PRR14L: variants seen among roughly 807,000 people sequenced by gnomAD.
PRR14L encodes the protein protein PRR14L.
In PRR14L, 80 loss-of-function variants were observed where a neutral mutation model predicts 155.0. The observed-to-expected ratio is 0.52, with a 90% CI of 0.43 to 0.62. PRR14L has a LOEUF of 0.62. Ranked by LOEUF, PRR14L falls within the 20% of genes least tolerant of loss-of-function variation. The pLI, the probability that PRR14L is intolerant of heterozygous loss-of-function variation, is 0.00. For synonymous variants in PRR14L, 883 were observed against 916.0 expected (o/e 0.96, Z 0.65); for missense variants, 2,469 against 2,548.0 (o/e 0.97, Z 0.67).
rs2074454710 is a variant in PRR14L at position 31,681,703 on chromosome 22, T to G, written c.*3824A>C. ...CGGGGACCCCCTTTCATCATCAAAA[T>G]AGCTTTTGCTGCTTGATTTGTGGCT... On this transcript the variant is annotated 3_prime_UTR_variant, in exon 9 of 9. Coordinates refer to ENST00000327423, the MANE Select transcript of PRR14L (RefSeq NM_173566.3). 6.6e-6 allele frequency: 1 copy of G among 152,168 alleles called. No homozygotes were observed. The highest frequency in any genetic ancestry group is 1.5e-5 in the Non-Finnish European group (1 of 68,038). 9.4% of individuals were successfully genotyped at this position (152,168 alleles called of 1,614,324 possible).
rs1029408850 is a variant in PRR14L at position 31,737,696 on chromosome 22, A to G, written c.474+691T>C. Among the ~76,000 whole-genome samples, 3 of 151,954 alleles carry G rather than the reference A, an allele frequency of 2.0e-5. No homozygotes were observed. In the East Asian group the frequency reaches 5.8e-4, roughly 29 times the overall value. On this transcript the variant is annotated intron_variant, in intron 2 of 8. Coordinates refer to ENST00000327423, the MANE Select transcript of PRR14L (RefSeq NM_173566.3). ...CATAGCTCACTATTAGTCTCAACTA[A>G]CCAACCTCTCTGGGTATAATTTCAA...
At chr22:31,718,219 C>T (rs1233710419) in intron 3 of PRR14L, among the ~76,000 whole-genome samples, 2 of 151,536 alleles carry the variant, frequency 1.3e-5, no homozygotes, top group Non-Finnish European at 2.9e-5. Flanking sequence ...TAAGCCACCA[C>T]GCCCGGCCCG....
At chr22:31,739,437 T>C (rs2074800670) in intron 1 of PRR14L, among the ~76,000 whole-genome samples, 1 of 152,218 alleles carries the variant, frequency 6.6e-6, no homozygotes, top group Non-Finnish European at 1.5e-5. Flanking sequence ...TTCCATTCCT[T>C]TACTGCTTAC....
intron 5 of PRR14L, 30 bp from the exon 6 acceptor site, chr22:31,703,751 G>T: frequency 7.2e-7 from 1 of 1,397,456 alleles, no homozygotes; most frequent in Non-Finnish European, 9.5e-7. Flanking sequence ...GAAGATATGA[G>T]AGGGGTTCCC....
At position 31,715,261 on chromosome 22, in the gene PRR14L, C is replaced by T; in HGVS notation, c.2578G>A (p.Gly860Arg). ...SYTSQERELDGKETNGSLPGD... is the reference protein window; with the variant it reads ...SYTSQERELDRKETNGSLPGD... ...GGAAGGCTGCCATTCGTTTCTTTCC[C>T]ATCAAGTTCCCTTTCCTGTGATGTG... Residue 860 changes from glycine (G) to arginine (R), a missense_variant, in exon 4 of 9, where the codon GGG (glycine) becomes AGG (arginine). Coordinates refer to ENST00000327423, the MANE Select transcript of PRR14L (RefSeq NM_173566.3). 6.4e-7 allele frequency: 1 copy of T among 1,552,278 alleles called. No individual in the cohort carries two copies.
At position 31,725,601 on chromosome 22, in the gene PRR14L, G is replaced by A. The variant is rs1601510680; in HGVS notation, c.484C>T (p.Leu162=). The A allele has an allele frequency of 6.5e-7, 1 of 1,549,540 alleles. No homozygotes were observed. The highest frequency in any genetic ancestry group is 8.7e-7 in the Non-Finnish European group (1 of 1,145,048). Residue 162 remains leucine (L), a synonymous_variant, in exon 3 of 9, where the codon CTG becomes TTG. Transcript: ENST00000327423. ...GAAAGTTCTTTGCTGGACTGCATCA[G>A]GAGATCCTCCTACAGTAAGAAAATC... ...EKTSPSQEDL[L]MQSSKELSHV...
At chr22:31,733,901 C>CCACCACACACACACACACACATA (rs1569500564) in intron 2 of PRR14L, among the ~76,000 whole-genome samples, 3 of 150,728 alleles carry the variant, frequency 2.0e-5, no homozygotes, top group Non-Finnish European at 2.9e-5. Flanking sequence ...TTAACCACCA[C>CCACCACACACACACACACACATA]CACCACACAC....
In PRR14L at chr22:31,714,811, G is replaced by T; in HGVS notation, c.3028C>A (p.His1010Asn). Residue 1010 changes from histidine (H) to asparagine (N), a missense_variant, in exon 4 of 9, where the codon CAC (histidine) becomes AAC (asparagine). By Grantham distance (68) the His-to-Asn change is moderately conservative (BLOSUM62 1). This residue lies in a region of PRR14L where 2,363 missense variants were observed against 2,371.6 expected (regional missense o/e 1.00). Transcript: ENST00000327423. ...CTGACCAGCAGATCCTTTTGGTTGTGGTTTACCTCCCCGTGAGGCTCGGTG... is the reference window on the plus strand; with the variant it reads ...CTGACCAGCAGATCCTTTTGGTTGTTGTTTACCTCCCCGTGAGGCTCGGTG... ...TVTEPHGEVN[H>N]NQKDLLVSSG... The T allele has an allele frequency of 6.4e-7, 1 of 1,552,124 alleles. No individual in the cohort carries two copies. Among genetic ancestry groups the T allele is most frequent in the Non-Finnish European group, 8.7e-7 (1 of 1,147,096 alleles).
At chr22:31,720,815 A>G (rs577647555) in intron 3 of PRR14L, among the ~76,000 whole-genome samples, 1 of 152,180 alleles carries the variant, frequency 6.6e-6, no homozygotes, top group East Asian at 1.9e-4. Context: ...GACTACTTTC[A>G]CCTCTTCCTC....
At chr22:31,724,885 G>A (rs1449070708) in intron 3 of PRR14L, among the ~76,000 whole-genome samples, 1 of 151,988 alleles carries the variant, frequency 6.6e-6, no homozygotes, top group East Asian at 1.9e-4. Flanking sequence ...TTGTTTTGAG[G>A]AGCAAAAAGA....
rs1350692892 is a variant in PRR14L, at chr22:31,725,515, A to G, written c.547+23T>C. The G allele has an allele frequency of 2.7e-6, 4 of 1,468,646 alleles. No homozygotes were observed. The South Asian group carries it at 3.7e-5, about 13-fold the overall frequency. The allele number at this position is 1,468,646 out of a possible 1,614,324, so 91.0% of individuals were successfully genotyped here. ...GTATTTGCAGTAAGTGGATAAAGGA[A>G]GAGATTTGAGAGAAATAAATACCTT... On this transcript the variant is annotated intron_variant, in intron 3 of 8. Transcript: ENST00000327423.
At chr22:31,718,497 G>A (rs1462788985) in intron 3 of PRR14L, among the ~76,000 whole-genome samples, 3 of 150,382 alleles carry the variant, frequency 2.0e-5, no homozygotes, top group South Asian at 2.1e-4. Flanking sequence ...CTCATGATCC[G>A]CCCACCTTGG....
At position 31,715,662 on chromosome 22, in the gene PRR14L, G is replaced by A. The variant is rs1355742940; in HGVS notation, c.2177C>T (p.Ala726Val). ...GTTTAAGGTGGGACAGTTTGAAGAG[G>A]CACCACAGGTTTGGTTACCTGGTGG... ...ISPPGNQTCG[A>V]SSNCPTLNIK... The change falls in exon 4 of 9, where the codon GCC becomes GTC. Residue 726 changes from alanine to valine, a missense_variant. Physicochemically the swap from Ala to Val is moderately conservative, Grantham distance 64. Coordinates refer to ENST00000327423, the MANE Select transcript of PRR14L (RefSeq NM_173566.3). The A allele has an allele frequency of 1.9e-6, 3 of 1,551,966 alleles. No individual in the cohort carries two copies. Among genetic ancestry groups the A allele is most frequent in the South Asian group, 1.2e-5 (1 of 84,060 alleles).
rs1357844994 is a variant in PRR14L, at chr22:31,738,418, G to A, written c.443C>T (p.Thr148Ile). ...GAKEDPHQHS[T>I]AAEEKTSPSQ... ...CGGGCTAGTCTTTTCTTCAGCAGCTGTGGAATGTTGATGTGGATCTTCCTT... is the reference window on the plus strand; with the variant it reads ...CGGGCTAGTCTTTTCTTCAGCAGCTATGGAATGTTGATGTGGATCTTCCTT... The change falls in exon 2 of 9, where the codon ACA becomes ATA. Residue 148 changes from threonine (T) to isoleucine (I), a missense_variant. Physicochemically the swap from Thr to Ile is moderately conservative, Grantham distance 89. Around this residue, in one of 2 missense-constraint regions of PRR14L, gnomAD observed 2,363 missense variants for 2,371.6 expected, o/e 1.00. Coordinates refer to ENST00000327423, the MANE Select transcript of PRR14L (RefSeq NM_173566.3). The A allele has an allele frequency of 6.4e-7, 1 of 1,552,240 alleles. No homozygotes were observed. The highest frequency in any genetic ancestry group is 8.7e-7 in the Non-Finnish European group (1 of 1,147,140).
At chr22:31,690,122 G>A (rs2074503897) in intron 7 of PRR14L, among the ~76,000 whole-genome samples, 1 of 152,118 alleles carries the variant, frequency 6.6e-6, no homozygotes, top group Non-Finnish European at 1.5e-5. Context: ...TCACCACATT[G>A]GCCAGACTGG....
At chr22:31,698,197 G>A (rs933619038) in intron 7 of PRR14L, among the ~76,000 whole-genome samples, 1 of 151,554 alleles carries the variant, frequency 6.6e-6, no homozygotes, top group African/African-American at 2.4e-5. Flanking sequence ...GCTAATTTTT[G>A]TATTTTTAGT....
chr22:31,717,394 C>T (rs1466496854), intron 3 of PRR14L, 103 bp from the exon 4 acceptor site: 2 of 911,984 alleles, frequency 2.2e-6, no homozygotes, highest in African/African-American at 1.7e-5. Context: ...CAACAGAAGA[C>T]CCAACTCAAA....
At chr22:31,748,994 C>G (rs1385311955) in intron 1 of PRR14L, among the ~76,000 whole-genome samples, 1 of 152,108 alleles carries the variant, frequency 6.6e-6, no homozygotes, top group African/African-American at 2.4e-5. Flanking sequence ...GTGATGGAGG[C>G]TGCGAGGGGC....
In PRR14L at chr22:31,739,803, A is replaced by G. The variant is rs568425856; in HGVS notation, c.-51-892T>C. On this transcript the variant is annotated intron_variant, in intron 1 of 8. Coordinates refer to ENST00000327423, the MANE Select transcript of PRR14L (RefSeq NM_173566.3). ...TAACAGGTTATTTGCTGAAACACTT[A>G]TATCTATGCAGTTTGTAATACTGCA... Among the ~76,000 whole-genome samples the G allele has an allele frequency of 1.8e-3, 269 of 152,318 alleles. 1 individual carries two copies. The highest frequency in any genetic ancestry group is 0.016 in the South Asian group (75 of 4,826).
Sources: allele counts gnomAD v4.1 joint callset (sites outside exome capture counted in the v4.1 genomes callset), GRCh38; gene constraint gnomAD v4.1.1; regional missense constraint gnomAD v4.1.1; transcripts MANE v1.5; gene names NCBI Gene and HGNC (gene_info 2026-07-23, HGNC 2026-07-21).